The following CELF6 variants were observed in gnomAD, a reference collection of about 807,000 sequenced individuals.
CELF6 encodes Bruno -like 6, RNA binding protein.
In CELF6, 32 loss-of-function variants were observed where a neutral mutation model predicts 53.1. The ratio of observed to expected loss-of-function variants is 0.60; its 90% CI spans 0.46 to 0.81. The LOEUF (loss-of-function observed/expected upper bound fraction) is 0.81. Ranked by LOEUF, CELF6 falls within the 30% of genes least tolerant of loss-of-function variation. The pLI, the probability that CELF6 is intolerant of heterozygous loss-of-function variation, is 0.00. For synonymous variants in CELF6, 291 were observed against 288.8 expected, an observed-to-expected ratio of 1.01 and a Z score of -0.08; for missense variants, 539 against 669.5, an observed-to-expected ratio of 0.81 and a Z score of 2.15.
At chr15:72,308,032 T>C (rs1418264501) in intron 2 of CELF6, among the ~76,000 whole-genome samples, 3 of 152,130 alleles carry the variant, frequency 2.0e-5, no homozygotes, top group Non-Finnish European at 4.4e-5. Context: ...GGAGTAGCCA[T>C]GGTAGAGCAA....
rs1234848582 is a variant in CELF6, at chr15:72,289,253, G to A, written c.915C>T (p.Thr305=). Residue 305 remains threonine, a synonymous_variant, in exon 8 of 13, where the codon ACC becomes ACT. Coordinates refer to ENST00000287202, the MANE Select transcript of CELF6 (RefSeq NM_052840.5). The surrounding 1 kb of genome is among the most constrained non-coding windows in gnomAD (Gnocchi z 7.6). ...CGATGGGCGCCGGAAGACCTGGGAGGGTGCCAGGGCCGCTGCCAGGCGGGG... is the reference window on the plus strand; with the variant it reads ...CGATGGGCGCCGGAAGACCTGGGAGAGTGCCAGGGCCGCTGCCAGGCGGGG... ...ANSPPGSGPG[T]LPGLPAPIGV... 3 of 1,583,668 alleles carry A rather than the reference G, an allele frequency of 1.9e-6. No homozygotes were observed. The highest frequency in any genetic ancestry group is 2.7e-5 in the African/African-American group (2 of 74,294).
intron 1 of CELF6, 42 bp from the exon 2 acceptor site, chr15:72,315,969 C>T (rs1440656745): frequency 7.4e-7 from 1 of 1,359,292 alleles, no homozygotes; most frequent in Non-Finnish European, 1.0e-6. Flanking sequence ...CCTGAAACCC[C>T]CAACTATTCT....
Position 72,319,566 on chromosome 15 carries a change from ACT to A in CELF6, c.262+45_262+46del, listed in dbSNP as rs1311410510. ...TGGGGCTGGGCTGGGGTCGGGCCAC[ACT>A]CTAATCGGATTGGGGCTGGGCTGGG... On this transcript the variant is annotated intron_variant, in intron 1 of 12. Coordinates refer to ENST00000287202, the MANE Select transcript of CELF6 (RefSeq NM_052840.5). The surrounding 1 kb of genome is among the most constrained non-coding windows in gnomAD (Gnocchi z 5.0). 2.0e-6 allele frequency: 3 copies of A among 1,475,672 alleles called. No homozygotes were observed. The highest frequency in any genetic ancestry group is 1.5e-5 in the African/African-American group (1 of 65,790). The allele number at this position is 1,475,672 out of a possible 1,614,324, so 91.4% of individuals were successfully genotyped here.
chr15:72,296,810 G>A (rs1407091484), intron 3 of CELF6, among the ~76,000 whole-genome samples: 2 of 152,186 alleles, frequency 1.3e-5, no homozygotes, highest in African/African-American at 2.4e-5. Context: ...CAGCGTTGGC[G>A]AGGATGTGGA....
chr15:72,289,125 GC>G lies in CELF6; in HGVS notation c.1030+12del. ...TCCATTTCGGGGGGATTTGGGCGGA[GC>G]GGGGGGCCCACCTGGATAAGGGGAG... On this transcript the variant is annotated intron_variant, in intron 8 of 12. Coordinates refer to ENST00000287202, the MANE Select transcript of CELF6 (RefSeq NM_052840.5). This position sits in a 1 kb window ranked among gnomAD's most constrained non-coding sequence, Gnocchi z 7.6. The G allele has an allele frequency of 6.6e-7, 1 of 1,511,938 alleles. No individual in the cohort carries two copies. Among genetic ancestry groups the G allele is most frequent in the African/African-American group, 1.4e-5 (1 of 71,806 alleles). The allele number at this position is 1,511,938 out of a possible 1,614,324, so 93.7% of individuals were successfully genotyped here. A position where few individuals can be genotyped will look rare whatever the true frequency, so the allele number is the denominator to read the frequency against.
In CELF6 at chr15:72,289,420, C is replaced by A. The variant is rs1482813528; in HGVS notation, c.835G>T (p.Val279Leu). 1 of 1,552,680 alleles carries A rather than the reference C, an allele frequency of 6.4e-7. No individual in the cohort carries two copies. The highest frequency in any genetic ancestry group is 2.4e-5 in the East Asian group (1 of 42,348). ...VAAVAAQMQH[V>L]AAFSLVAAPL... is the part of the protein sequence containing the mutation. ...GCAGCTACCAGGCTAAAGGCCGCCA[C>A]GTGTTGCATCTGGGCCGCCACTGCC... Residue 279 changes from valine (V) to leucine (L), a missense_variant, in exon 7 of 13, where the codon GTG becomes TTG. Physicochemically the swap from Val to Leu is conservative, Grantham distance 32. Coordinates refer to ENST00000287202, the MANE Select transcript of CELF6 (RefSeq NM_052840.5). The surrounding 1 kb of genome is among the most constrained non-coding windows in gnomAD (Gnocchi z 7.6).
intron 1 of CELF6, among the ~76,000 whole-genome samples, chr15:72,316,344 A>G (rs1400466038): frequency 1.3e-5 from 2 of 151,938 alleles, no homozygotes; most frequent in East Asian, 3.9e-4. Context: ...TTCCTTCCCA[A>G]CTCAGTTTCG....
In CELF6 at chr15:72,289,865, C is replaced by G; in HGVS notation, c.603+74G>C. ...CCCATCAGGTCCTTTCGCGGGGCACCGAGCACACTCGGGGAGGAGAAGCCC... is the reference window on the plus strand; with the variant it reads ...CCCATCAGGTCCTTTCGCGGGGCACGGAGCACACTCGGGGAGGAGAAGCCC... On this transcript the variant is annotated intron_variant, in intron 5 of 12. Coordinates refer to ENST00000287202, the MANE Select transcript of CELF6 (RefSeq NM_052840.5). The surrounding 1 kb of genome is among the most constrained non-coding windows in gnomAD (Gnocchi z 7.6). The G allele has an allele frequency of 2.0e-6, 3 of 1,513,092 alleles. No individual in the cohort carries two copies. Among genetic ancestry groups the G allele is most frequent in the East Asian group, 2.5e-5 (1 of 40,570 alleles). The allele number at this position is 1,513,092 out of a possible 1,614,324, so 93.7% of individuals were successfully genotyped here.
intron 3 of CELF6, among the ~76,000 whole-genome samples, chr15:72,294,903 G>A (rs534522344): frequency 3.3e-5 from 5 of 151,524 alleles, no homozygotes; most frequent in African/African-American, 1.2e-4. Context: ...TCTTGAACCT[G>A]GGAGGTGGAG....
At chr15:72,313,081 G>T (rs2088319020) in intron 2 of CELF6, among the ~76,000 whole-genome samples, 1 of 152,176 alleles carries the variant, frequency 6.6e-6, no homozygotes, top group Admixed American at 6.5e-5. Flanking sequence ...ACAGTGAGAG[G>T]GGGAAGATGT....
At chr15:72,292,277 G>C (rs1209282955) in intron 3 of CELF6, 1 of 1,529,130 alleles carries the variant, frequency 6.5e-7, no homozygotes, top group African/African-American at 1.4e-5. Flanking sequence ...TGAGAAGACA[G>C]GAAAGGTCTT....
chr15:72,292,776 C>A (rs1039256797), intron 3 of CELF6, among the ~76,000 whole-genome samples: 2 of 152,196 alleles, frequency 1.3e-5, no homozygotes, highest in African/African-American at 4.8e-5. Flanking sequence ...GCCTATAATC[C>A]CAGTGCTTTG....
chr15:72,289,103 A>C lies in CELF6; in HGVS notation c.1030+35T>G. 6.8e-7 allele frequency: 1 copy of C among 1,466,696 alleles called. No homozygotes were observed. Among genetic ancestry groups the C allele is most frequent in the Non-Finnish European group, 9.1e-7 (1 of 1,103,202 alleles). The allele number at this position is 1,466,696 out of a possible 1,614,324, so 90.9% of individuals were successfully genotyped here. A position where few individuals can be genotyped will look rare whatever the true frequency, so the allele number is the denominator to read the frequency against. On this transcript the variant is annotated intron_variant, in intron 8 of 12. Transcript: ENST00000287202. The surrounding 1 kb of genome is among the most constrained non-coding windows in gnomAD (Gnocchi z 7.6). ...CCCCCCACCCCCCGCTCCCCACTCC[A>C]TTTCGGGGGGATTTGGGCGGAGCGG...
intron 2 of CELF6, among the ~76,000 whole-genome samples, chr15:72,310,005 G>T (rs556731222): frequency 9.2e-5 from 14 of 152,226 alleles, no homozygotes; most frequent in African/African-American, 2.4e-4. Flanking sequence ...ACACGCACAG[G>T]GCCCTGGACC....
chr15:72,303,918 C>T (rs956915879), intron 3 of CELF6, among the ~76,000 whole-genome samples: 2 of 151,966 alleles, frequency 1.3e-5, no homozygotes, highest in African/African-American at 4.8e-5. Context: ...AGTGCAATGG[C>T]GTGATCTCGG....
chr15:72,317,488 G>A (rs2088376714), intron 1 of CELF6, among the ~76,000 whole-genome samples: 2 of 152,162 alleles, frequency 1.3e-5, no homozygotes, highest in Non-Finnish European at 1.5e-5. Flanking sequence ...ACATCAACAG[G>A]GAAACTGAAG....
Position 72,315,882 on chromosome 15 carries a change from G to A in CELF6, c.308C>T (p.Ala103Val). ...CTTCTGCTCGTGCAGTGCACTCTGGGCCTTGAGAGCAGAGTCCCGGGCGCA... is the reference window on the plus strand; with the variant it reads ...CTTCTGCTCGTGCAGTGCACTCTGGACCTTGAGAGCAGAGTCCCGGGCGCA... The part of the protein sequence containing the change: ...TYCARDSALK[A>V]QSALHEQKTL... Residue 103 changes from alanine (A) to valine (V), a missense_variant, in exon 2 of 13, where the codon GCC (alanine) becomes GTC (valine). Transcript: ENST00000287202. 1 of 1,608,040 alleles carries A rather than the reference G, an allele frequency of 6.2e-7. No homozygotes were observed. Among genetic ancestry groups the A allele is most frequent in the Non-Finnish European group, 8.5e-7 (1 of 1,177,546 alleles).
At chr15:72,293,402 T>C (rs1313867810) in intron 3 of CELF6, among the ~76,000 whole-genome samples, 5 of 152,206 alleles carry the variant, frequency 3.3e-5, no homozygotes, top group Non-Finnish European at 7.3e-5. Context: ...GATGATGGGA[T>C]GTAGCCCAGA....
chr15:72,305,561 T>A (rs1055771836), intron 2 of CELF6, among the ~76,000 whole-genome samples: 1 of 152,000 alleles, frequency 6.6e-6, no homozygotes, highest in African/African-American at 2.4e-5. Flanking sequence ...ATCACTAGAG[T>A]CTCCACGCTC....
Sources: allele counts gnomAD v4.1 joint callset (sites outside exome capture counted in the v4.1 genomes callset), GRCh38; gene constraint gnomAD v4.1.1; non-coding constraint Gnocchi (gnomAD v3.1); transcripts MANE v1.5; gene names NCBI Gene and HGNC (gene_info 2026-07-23, HGNC 2026-07-21).